The following TMEM130 variants were observed in gnomAD, a reference collection of about 807,000 sequenced individuals.
The protein encoded by TMEM130 is transmembrane protein 130.
Under a neutral mutation model 42.9 loss-of-function variants are expected in TMEM130, and 37 were observed. The observed-to-expected ratio is 0.86, with a 90% confidence interval of 0.66 to 1.13. TMEM130 has a LOEUF of 1.13. Ranked by LOEUF, TMEM130 falls within the 50% of genes most tolerant of loss-of-function variation. The pLI is 0.00. For missense variants in TMEM130, 545 were observed against 562.6 expected, an observed-to-expected ratio of 0.97 and a Z score of 0.32; for synonymous variants, 259 against 237.7, an observed-to-expected ratio of 1.09 and a Z score of -0.82.
Position 98,851,512 on chromosome 7 carries a change from G to A in TMEM130, c.915C>T (p.Phe305=). Residue 305 remains phenylalanine (F), a synonymous_variant, in exon 6 of 8, where the codon TTC becomes TTT. Coordinates refer to ENST00000339375, the MANE Select transcript of TMEM130 (RefSeq NM_152913.3). ...ASTAYNLTHT[F]RDPGDYCFSI... is the part of the protein sequence containing the mutation. ...TGAAGCAGTAGTCCCCAGGGTCCCT[G>A]AAGGTGTGGGTCAGGTTGTACGCTG... The A allele has an allele frequency of 6.2e-7, 1 of 1,614,150 alleles. No homozygotes were observed. Among genetic ancestry groups the A allele is most frequent in the Non-Finnish European group, 8.5e-7 (1 of 1,180,022 alleles).
intron 5 of TMEM130, 94 bp from the exon 6 acceptor site, chr7:98,851,717 A>G (rs945048212): frequency 1.7e-6 from 2 of 1,187,542 alleles, no homozygotes; most frequent in Non-Finnish European, 2.3e-6. Context: ...CAGGAACTTC[A>G]GTGTCCTTTC....
chr7:98,860,709 C>T (rs1439437704), intron 2 of TMEM130, among the ~76,000 whole-genome samples: 1 of 151,946 alleles, frequency 6.6e-6, no homozygotes, highest in Non-Finnish European at 1.5e-5. Flanking sequence ...CTTTGGGAGG[C>T]CGAGGTTGGT....
intron 5 of TMEM130, among the ~76,000 whole-genome samples, chr7:98,854,369 C>A (rs1355903118): frequency 1.4e-5 from 2 of 147,564 alleles, no homozygotes; most frequent in African/African-American, 4.9e-5. Context: ...CAGGAGGGAT[C>A]CCTCCCAACC....
At chr7:98,855,939 C>A in intron 4 of TMEM130, 78 bp downstream of exon 4, 1 of 1,516,316 alleles carries the variant, frequency 6.6e-7, no homozygotes, top group Admixed American at 1.9e-5. Flanking sequence ...TGAGTCCAGC[C>A]CAGAGCCACT....
chr7:98,860,510 G>A (rs1337029558), intron 2 of TMEM130, among the ~76,000 whole-genome samples, 172 bp from the exon 3 acceptor site: 2 of 152,098 alleles, frequency 1.3e-5, no homozygotes, highest in African/African-American at 4.8e-5. Flanking sequence ...AAAGACCCCT[G>A]AACACAGAGG....
intron 2 of TMEM130, among the ~76,000 whole-genome samples, chr7:98,862,414 GAGAC>G (rs1416232541): frequency 1.3e-5 from 2 of 149,554 alleles, no homozygotes; most frequent in African/African-American, 2.5e-5. Flanking sequence ...AGGACAGAGA[GAGAC>G]AGAAAAGAAA....
At chr7:98,857,631 C>T (rs1554399215) in intron 3 of TMEM130, among the ~76,000 whole-genome samples, 3 of 150,694 alleles carry the variant, frequency 2.0e-5, no homozygotes, top group East Asian at 2.0e-4. Context: ...GGCCAGGAGG[C>T]GGAGGTTGCA....
intron 5 of TMEM130, among the ~76,000 whole-genome samples, chr7:98,853,636 A>G (rs950910278): frequency 1.3e-5 from 2 of 152,122 alleles, no homozygotes; most frequent in East Asian, 1.9e-4. Flanking sequence ...TGAAAAAAAG[A>G]AAGAGTCCTT....
intron 5 of TMEM130, among the ~76,000 whole-genome samples, chr7:98,854,963 G>T (rs1180442618): frequency 6.6e-6 from 1 of 152,210 alleles, no homozygotes; most frequent in Non-Finnish European, 1.5e-5. Context: ...TTGAACCAGG[G>T]AGGCAGAGGT....
chr7:98,857,602 A>C (rs973092097), intron 3 of TMEM130, among the ~76,000 whole-genome samples: 13 of 151,304 alleles, frequency 8.6e-5, no homozygotes, highest in Non-Finnish European at 1.8e-4. Flanking sequence ...CAAGAGGCTG[A>C]GGTGGGAGGA....
chr7:98,852,439 A>AT lies in TMEM130; in HGVS notation c.804-817dup, dbSNP rs1194734329. The stretch of plus-strand genomic sequence containing the variant: ...GCCACTGCGCCTGGCCAATTTTTTA[A>AT]TTTTTTAATAGCGATGGGACTATAT... On this transcript the variant is annotated intron_variant, in intron 5 of 7. Transcript: ENST00000339375. Among the ~76,000 whole-genome samples, 3 of 151,892 alleles carry AT rather than the reference A, an allele frequency of 2.0e-5. 1 individual carries two copies. In the South Asian group the frequency reaches 6.2e-4, roughly 32 times the overall value.
Position 98,855,252 on chromosome 7 carries a change from T to G in TMEM130, c.791A>C (p.Asn264Thr). ...GGAGCTCACTTACCTCCCCAGGAAG[T>G]TCAAGGTCACGGTCATCTTTTGGAA... ...QTFQKMTVTL[N>T]FLGSPPLTVC... is the part of the protein sequence containing the mutation. The change falls in exon 5 of 8, where the codon AAC becomes ACC. Residue 264 changes from asparagine (N) to threonine (T), a missense_variant. Asn to Thr is a moderately conservative substitution (Grantham distance 65). Transcript: ENST00000339375. The G allele has an allele frequency of 6.2e-7, 1 of 1,613,168 alleles. No homozygotes were observed. The highest frequency in any genetic ancestry group is 8.5e-7 in the Non-Finnish European group (1 of 1,179,544).
In TMEM130 at chr7:98,856,105, C is replaced by A. The variant is rs782014346; in HGVS notation, c.630G>T (p.Val210=). ...IIGTFTVKLK[V]VAEWEEVEPD... is the part of the protein sequence containing the mutation. The stretch of plus-strand genomic sequence containing the variant: ...GCTCCACCTCTTCCCACTCCGCCAC[C>A]ACTTTGAGCTTCACGGTGAAGGTCC... The change falls in exon 4 of 8, where the codon GTG becomes GTT. Residue 210 remains valine (V), a synonymous_variant. Transcript: ENST00000339375. The A allele has an allele frequency of 6.2e-7, 1 of 1,613,916 alleles. No individual in the cohort carries two copies. Among genetic ancestry groups the A allele is most frequent in the East Asian group, 2.2e-5 (1 of 44,896 alleles).
chr7:98,860,917 T>C (rs1464713254), intron 2 of TMEM130, among the ~76,000 whole-genome samples: 5 of 118,768 alleles, frequency 4.2e-5, no homozygotes, highest in African/African-American at 1.7e-4. Context: ...CACTCCAGCC[T>C]GGGCGACAGA....
rs552613454 is a variant in TMEM130 at position 98,846,859 on chromosome 7, C to CT, written c.*1196dup. 1,993 of 144,326 alleles carry CT rather than the reference C, an allele frequency of 0.014. 35 individuals are homozygous for CT. Among genetic ancestry groups the CT allele is most frequent in the African/African-American group, 0.039 (1,530 of 39,602 alleles). The allele number at this position is 144,326 out of a possible 1,614,324, so 8.9% of individuals were successfully genotyped here. A position where few individuals can be genotyped will look rare whatever the true frequency, so the allele number is the denominator to read the frequency against. ...CAAGTCCCTGCTGACTCAACCTCTTCTTTTTTTTTTTTTGGAGACAGAGTC... is the reference window on the plus strand; with the variant it reads ...CAAGTCCCTGCTGACTCAACCTCTTCTTTTTTTTTTTTTTGGAGACAGAGTC... On this transcript the variant is annotated 3_prime_UTR_variant, in exon 8 of 8. Coordinates refer to ENST00000339375, the MANE Select transcript of TMEM130 (RefSeq NM_152913.3).
chr7:98,851,459 T>C lies in TMEM130; in HGVS notation c.968A>G (p.Lys323Arg). 1.2e-6 allele frequency: 2 copies of C among 1,614,086 alleles called. No homozygotes were observed. Among genetic ancestry groups the C allele is most frequent in the Non-Finnish European group, 8.5e-7 (1 of 1,180,014 alleles). Reference sequence around the variant, plus strand: ...CTGGATCTTGTGGTACTGATGTGTCTTGCTGATGATATTCTCGGCCCGGAT... The same window carrying C: ...CTGGATCTTGTGGTACTGATGTGTCCTGCTGATGATATTCTCGGCCCGGAT... The part of the protein sequence containing the change: ...FSIRAENIIS[K>R]THQYHKIQVW... The change falls in exon 6 of 8, where the codon AAG becomes AGG. Residue 323 changes from lysine to arginine, a missense_variant. Physicochemically the swap from Lys to Arg is conservative, Grantham distance 26 (BLOSUM62 2). Coordinates refer to ENST00000339375, the MANE Select transcript of TMEM130 (RefSeq NM_152913.3).
intron 6 of TMEM130, among the ~76,000 whole-genome samples, chr7:98,850,250 C>CATATATATATATATATATATAT (rs1179088568): frequency 4.7e-5 from 3 of 64,356 alleles, no homozygotes; most frequent in Non-Finnish European, 6.9e-5. Flanking sequence ...CTGTCTCTCT[C>CATATATATATATATATATATAT]ATATATATAT....
intron 7 of TMEM130, 116 bp from the exon 8 acceptor site, chr7:98,848,324 G>A (rs782660523): frequency 1.6e-6 from 2 of 1,269,032 alleles, no homozygotes; most frequent in Non-Finnish European, 2.2e-6. Flanking sequence ...TCAGCTGCCT[G>A]GTGGCAGAGT....
intron 3 of TMEM130, 93 bp downstream of exon 3, chr7:98,860,080 AAAAATT>A: frequency 1.7e-6 from 2 of 1,207,992 alleles, no homozygotes; most frequent in Non-Finnish European, 2.2e-6. Context: ...AAAAAAAAAA[AAAAATT>A]AAAGGTGAAG....
Sources: gnomAD v4.1 joint callset for allele counts (sites outside exome capture counted in the v4.1 genomes callset) on GRCh38, gnomAD v4.1.1 for gene constraint, MANE v1.5 for transcripts, NCBI Gene and HGNC (gene_info 2026-07-23, HGNC 2026-07-21) for gene names.